The following COG5 variants were observed in gnomAD, a reference collection of about 807,000 sequenced individuals.
COG5 encodes conserved oligomeric Golgi complex subunit 5.
Under a neutral mutation model 110.4 loss-of-function variants are expected in COG5, and 86 were observed. That is an observed-to-expected ratio of 0.78 (90% CI 0.65 to 0.93). The LOEUF (loss-of-function observed/expected upper bound fraction) is 0.93, where lower values mean the gene tolerates loss of function less well. Among genes scored for constraint, COG5 ranks in the 40% least tolerant of loss-of-function variants. The probability of loss-of-function intolerance (pLI) is 0.00; values close to 1 mark genes in which losing one functional copy is unlikely to be tolerated. For synonymous variants in COG5, 360 were observed against 334.6 expected (o/e 1.08, Z -0.83); for missense variants, 1,077 against 987.0 (o/e 1.09, Z -1.22).
chr7:107,225,204 T>C (rs189150072), intron 19 of COG5, among the ~76,000 whole-genome samples: 245 of 152,348 alleles, frequency 1.6e-3, no homozygotes, highest in African/African-American at 5.5e-3. Context: ...TCTGTGGCTA[T>C]TGCAACCTAC....
intron 21 of COG5, chr7:107,208,733 G>C: frequency 1.0e-6 from 1 of 985,418 alleles, no homozygotes; most frequent in Non-Finnish European, 1.2e-6. Context: ...AAAAGAGCAG[G>C]GTCCGAGCTA....
At chr7:107,328,673 C>T (rs1352454313) in intron 10 of COG5, among the ~76,000 whole-genome samples, 4 of 152,122 alleles carry the variant, frequency 2.6e-5, no homozygotes, top group South Asian at 2.1e-4. Context: ...TTCTAATACA[C>T]ATTTTAGTAC....
At chr7:107,528,295 C>T (rs1174127449) in intron 5 of COG5, among the ~76,000 whole-genome samples, 2 of 151,958 alleles carry the variant, frequency 1.3e-5, no homozygotes, top group African/African-American at 2.4e-5. Flanking sequence ...TGCCATGTTG[C>T]CCAGGCTGCT....
intron 10 of COG5, among the ~76,000 whole-genome samples, chr7:107,349,707 G>A (rs1286783017): frequency 1.3e-5 from 2 of 152,128 alleles, no homozygotes; most frequent in African/African-American, 4.8e-5. Context: ...ACAGGCGCCG[G>A]CCACCACGCC....
At chr7:107,410,227 A>C (rs1792180630) in intron 7 of COG5, among the ~76,000 whole-genome samples, 1 of 152,164 alleles carries the variant, frequency 6.6e-6, no homozygotes, top group South Asian at 2.1e-4. Flanking sequence ...GGGCTCAGCT[A>C]TCTGTGTTTT....
At chr7:107,513,104 A>G (rs1799653297) in intron 6 of COG5, among the ~76,000 whole-genome samples, 2 of 151,434 alleles carry the variant, frequency 1.3e-5, no homozygotes, top group South Asian at 4.1e-4. Flanking sequence ...ATCAGAGTGA[A>G]CAGGCAACCT....
intron 5 of COG5, among the ~76,000 whole-genome samples, chr7:107,531,355 TTC>T (rs1483955947): frequency 2.0e-5 from 3 of 152,204 alleles, no homozygotes; most frequent in African/African-American, 4.8e-5. Context: ...ATGTATGATT[TTC>T]TCTCTTTTTG....
rs561995723 is a variant in COG5 at position 107,467,732 on chromosome 7, G to C, written c.539-55100C>G. ...GATATTTGCATATTTGTTAAAAACA[G>C]GGGAAGTTGGAATTACCTTGTTAAG... On this transcript the variant is annotated intron_variant, in intron 6 of 21. Coordinates refer to ENST00000297135, the MANE Select transcript of COG5 (RefSeq NM_006348.5). Among the ~76,000 whole-genome samples the C allele has an allele frequency of 3.2e-3, 484 of 152,244 alleles. 8 individuals are homozygous for C. Among genetic ancestry groups the C allele is most frequent in the Non-Finnish European group, 4.4e-3 (298 of 68,006 alleles).
chr7:107,279,292 AT>A lies in COG5; in HGVS notation c.1575+2007del, dbSNP rs1804972052. Among the ~76,000 whole-genome samples, 4 of 152,092 alleles carry A rather than the reference AT, an allele frequency of 2.6e-5. 1 individual carries two copies. The South Asian group carries it at 8.3e-4, about 32-fold the overall frequency. ...TCATTAAAAAGTCAGGAAACAACAG[AT>A]TCTGTCATTTCTTAATCTTGTGGAC... On this transcript the variant is annotated intron_variant, in intron 14 of 21. Coordinates refer to ENST00000297135, the MANE Select transcript of COG5 (RefSeq NM_006348.5).
chr7:107,562,954 A>G (rs1419079616), intron 1 of COG5, among the ~76,000 whole-genome samples: 1 of 152,224 alleles, frequency 6.6e-6, no homozygotes, highest in African/African-American at 2.4e-5. Context: ...TTTGCAATAC[A>G]GAAGAGATTA....
At chr7:107,330,307 A>AAAACT (rs1367817878) in intron 10 of COG5, among the ~76,000 whole-genome samples, 2 of 152,250 alleles carry the variant, frequency 1.3e-5, no homozygotes, top group Non-Finnish European at 2.9e-5. Flanking sequence ...AGCTGATAAT[A>AAAACT]AAACTAAACA....
At chr7:107,344,131 C>T (rs1013184654) in intron 10 of COG5, among the ~76,000 whole-genome samples, 4 of 152,100 alleles carry the variant, frequency 2.6e-5, no homozygotes, top group East Asian at 1.9e-4. Context: ...TATGGACTTC[C>T]GCTCTCTAAC....
At chr7:107,307,234 G>A (rs1445054499) in intron 11 of COG5, among the ~76,000 whole-genome samples, 1 of 152,060 alleles carries the variant, frequency 6.6e-6, no homozygotes, top group Non-Finnish European at 1.5e-5. Flanking sequence ...ACAACAGTGG[G>A]CGTTTTTCTG....
At chr7:107,368,492 T>A (rs951203993) in intron 8 of COG5, among the ~76,000 whole-genome samples, 1 of 152,172 alleles carries the variant, frequency 6.6e-6, no homozygotes, top group Non-Finnish European at 1.5e-5. Flanking sequence ...TAAACAGGTT[T>A]CTGGATCGCT....
intron 6 of COG5, among the ~76,000 whole-genome samples, chr7:107,489,865 T>C (rs2520278): frequency 0.47 from 71,189 of 151,950 alleles, 16,825 homozygotes; most frequent in Non-Finnish European, 0.5. Flanking sequence ...GGGAACGCTA[T>C]GTAATCTTAT....
At chr7:107,487,723 TA>T (rs34602094) in intron 6 of COG5, among the ~76,000 whole-genome samples, 72 of 143,736 alleles carry the variant, frequency 5.0e-4, no homozygotes, top group African/African-American at 5.1e-4. Context: ...TCTATACCAG[TA>T]AAAAAAAAAA....
At chr7:107,481,582 A>G (rs1162287420) in intron 6 of COG5, among the ~76,000 whole-genome samples, 1 of 152,136 alleles carries the variant, frequency 6.6e-6, no homozygotes, top group African/African-American at 2.4e-5. Flanking sequence ...TATACTGCAT[A>G]TTGATTGGGT....
At chr7:107,389,789 G>C (rs1471874407) in intron 7 of COG5, among the ~76,000 whole-genome samples, 1 of 152,062 alleles carries the variant, frequency 6.6e-6, no homozygotes, top group Non-Finnish European at 1.5e-5. Flanking sequence ...CCCAAGTAAA[G>C]TCCATGCCAC....
chr7:107,377,127 C>T (rs1232227795), intron 7 of COG5, among the ~76,000 whole-genome samples: 2 of 152,088 alleles, frequency 1.3e-5, no homozygotes, highest in Non-Finnish European at 1.5e-5. Context: ...TTCTTGGATA[C>T]AGTTTACATA....
Sources: allele counts gnomAD v4.1 joint callset (sites outside exome capture counted in the v4.1 genomes callset), GRCh38; gene constraint gnomAD v4.1.1; transcripts MANE v1.5; gene names NCBI Gene and HGNC (gene_info 2026-07-23, HGNC 2026-07-21).